The following CAMK2D variants were observed in gnomAD, a reference collection of about 807,000 sequenced individuals.
CAMK2D encodes calcium/calmodulin dependent protein kinase II delta, also known as calcium/calmodulin-dependent protein kinase type II subunit delta.
In CAMK2D, 37 loss-of-function variants were observed where a neutral mutation model predicts 84.0. The observed-to-expected ratio is 0.44, with a 90% CI of 0.34 to 0.58. CAMK2D has a LOEUF of 0.58. CAMK2D is among the 20% of genes least tolerant of loss of function. The pLI is 0.02. For missense variants in CAMK2D, 448 were observed against 652.5 expected, an observed-to-expected ratio of 0.69 and a Z score of 3.41; for synonymous variants, 202 against 212.5, an observed-to-expected ratio of 0.95 and a Z score of 0.43.
chr4:113,630,878 C>T (rs542879553), intron 3 of CAMK2D, among the ~76,000 whole-genome samples: 1 of 152,280 alleles, frequency 6.6e-6, no homozygotes, highest in South Asian at 2.1e-4. Flanking sequence ...GTTGCTAAGA[C>T]ATAACTCAGA....
chr4:113,648,392 C>G (rs539914447), intron 3 of CAMK2D, among the ~76,000 whole-genome samples: 5 of 152,172 alleles, frequency 3.3e-5, no homozygotes, highest in Non-Finnish European at 7.3e-5. Flanking sequence ...TGGTAATATA[C>G]TGTTGGGCAC....
chr4:113,488,043 A>G (rs1205069852), intron 16 of CAMK2D, among the ~76,000 whole-genome samples: 1 of 152,060 alleles, frequency 6.6e-6, no homozygotes, highest in African/African-American at 2.4e-5. Flanking sequence ...ATCCTTGCTG[A>G]CATTTTATAT....
intron 3 of CAMK2D, among the ~76,000 whole-genome samples, chr4:113,635,904 G>A (rs549333857): frequency 6.6e-6 from 1 of 152,352 alleles, no homozygotes; most frequent in South Asian, 2.1e-4. Flanking sequence ...GTACAGCTAT[G>A]CCTGTGGTTA....
chr4:113,558,622 G>A (rs1031751075), intron 4 of CAMK2D, among the ~76,000 whole-genome samples: 1 of 152,184 alleles, frequency 6.6e-6, no homozygotes, highest in Admixed American at 6.5e-5. Flanking sequence ...TCAATCTTCT[G>A]TGGATAGTGA....
intron 4 of CAMK2D, among the ~76,000 whole-genome samples, chr4:113,556,320 G>C (rs749843693): frequency 6.6e-6 from 1 of 152,124 alleles, no homozygotes; most frequent in Non-Finnish European, 1.5e-5. Flanking sequence ...TTGCCCCTTG[G>C]ACACAATTTG....
intron 2 of CAMK2D, among the ~76,000 whole-genome samples, chr4:113,692,697 T>TAC (rs1561869119): frequency 6.6e-6 from 1 of 151,910 alleles, no homozygotes; most frequent in African/African-American, 2.4e-5. Flanking sequence ...TACATACATA[T>TAC]ATTCATACAT....
chr4:113,515,285 G>C, intron 9 of CAMK2D, 94 bp from the exon 10 acceptor site: 1 of 758,268 alleles, frequency 1.3e-6, no homozygotes, highest in Non-Finnish European at 2.1e-6. Context: ...CTCAAGTAGT[G>C]AATTTCTTCA....
At chr4:113,622,439 C>T (rs1423877611) in intron 3 of CAMK2D, among the ~76,000 whole-genome samples, 1 of 152,198 alleles carries the variant, frequency 6.6e-6, no homozygotes, top group Non-Finnish European at 1.5e-5. Flanking sequence ...TGTTTCCCCT[C>T]CAGCTCCCTC....
At chr4:113,729,389 G>A (rs1406160461) in intron 2 of CAMK2D, among the ~76,000 whole-genome samples, 1 of 152,112 alleles carries the variant, frequency 6.6e-6, no homozygotes, top group African/African-American at 2.4e-5. Context: ...TTTCAGTTAT[G>A]CTCTTCCACC....
rs1394168587 is a variant in CAMK2D, at chr4:113,526,430, G to A, written c.601+4786C>T. 2.6e-5 allele frequency among the ~76,000 whole-genome samples: 4 copies of A among 152,086 alleles called. No homozygotes were observed. In the East Asian group the frequency reaches 5.8e-4, roughly 22 times the overall value. On this transcript the variant is annotated intron_variant, in intron 8 of 20. Coordinates refer to ENST00000511664, the MANE Select transcript of CAMK2D (RefSeq NM_001321571.2). ...TCATTCTTGATGTGTGTGTGTGTGT[G>A]TGTGTGTGTGTGTGCATGCATGTAT...
At position 113,509,679 on chromosome 4, in the gene CAMK2D, TAAA is replaced by T; in HGVS notation, c.947-7_947-5del. On this transcript the variant is annotated splice_polypyrimidine_tract_variant and splice_region_variant and intron_variant, in intron 12 of 20. Coordinates refer to ENST00000511664, the MANE Select transcript of CAMK2D (RefSeq NM_001321571.2). ...TTCTTCAACAAACTCTTGGCTGCTG[TAAA>T]ATGAGAGTAAAATCAGTTTAGTGAG... The T allele has an allele frequency of 6.2e-7, 1 of 1,605,702 alleles. No individual in the cohort carries two copies. Among genetic ancestry groups the T allele is most frequent in the Non-Finnish European group, 8.5e-7 (1 of 1,172,346 alleles).
At chr4:113,634,641 G>A (rs958756427) in intron 3 of CAMK2D, among the ~76,000 whole-genome samples, 73 of 152,172 alleles carry the variant, frequency 4.8e-4, no homozygotes, top group Non-Finnish European at 8.4e-4. Context: ...AATTGCATAT[G>A]ACATTGAGGT....
At position 113,649,446 on chromosome 4, in the gene CAMK2D, C is replaced by T. The variant is rs77422431; in HGVS notation, c.220+12267G>A. 5.8e-3 allele frequency among the ~76,000 whole-genome samples: 879 copies of T among 152,208 alleles called. 16 individuals are homozygous for T. Among genetic ancestry groups the T allele is most frequent in the African/African-American group, 0.02 (829 of 41,506 alleles). ...TTACAGGTTTTCAGTCATTCAAGTG[C>T]GACAAAGACTTTTAACTCTATTTTT... On this transcript the variant is annotated intron_variant, in intron 3 of 20. Transcript: ENST00000511664.
chr4:113,570,128 C>T (rs1350936165), intron 4 of CAMK2D, among the ~76,000 whole-genome samples: 1 of 151,940 alleles, frequency 6.6e-6, no homozygotes, highest in Non-Finnish European at 1.5e-5. Context: ...TTGAAGACAA[C>T]ACAAATAAAT....
intron 2 of CAMK2D, among the ~76,000 whole-genome samples, chr4:113,711,189 C>A (rs749563103): frequency 5.3e-5 from 8 of 149,690 alleles, no homozygotes; most frequent in Non-Finnish European, 8.9e-5. Context: ...CTATATACAT[C>A]ATCTATTATG....
intron 2 of CAMK2D, among the ~76,000 whole-genome samples, chr4:113,742,168 T>C (rs1254380270): frequency 1.3e-5 from 2 of 152,004 alleles, no homozygotes; most frequent in African/African-American, 2.4e-5. Context: ...AATAGATGAG[T>C]AAATGAATGA....
chr4:113,504,126 T>A (rs539077755), intron 14 of CAMK2D, among the ~76,000 whole-genome samples: 1 of 152,210 alleles, frequency 6.6e-6, no homozygotes, highest in Non-Finnish European at 1.5e-5. Context: ...TTAACATTTT[T>A]AAATTTATTT....
At chr4:113,474,508 T>C (rs1295865264) in intron 16 of CAMK2D, among the ~76,000 whole-genome samples, 1 of 137,854 alleles carries the variant, frequency 7.3e-6, no homozygotes, top group East Asian at 2.1e-4. Context: ...CTTTTTTTTT[T>C]TTTTTTTTTT....
chr4:113,760,894 A>G (rs2099639850), intron 1 of CAMK2D, 110 bp downstream of exon 1: 1 of 1,399,586 alleles, frequency 7.1e-7, no homozygotes, highest in Non-Finnish European at 1.0e-6. Flanking sequence ...CCCTCCTCCC[A>G]TTCCTCTCCC....
Sources: gnomAD v4.1 joint callset for allele counts (sites outside exome capture counted in the v4.1 genomes callset) on GRCh38, gnomAD v4.1.1 for gene constraint, MANE v1.5 for transcripts, NCBI Gene and HGNC (gene_info 2026-07-23, HGNC 2026-07-21) for gene names.